Variants in MTMR2 observed in about 807,000 individuals in gnomAD.
MTMR2 encodes the protein myotubularin related protein 2, also known as phosphatidylinositol-3,5-bisphosphate 3-phosphatase MTMR2.
A neutral mutation model predicts 86.9 loss-of-function variants in MTMR2; 55 were observed. The ratio of observed to expected loss-of-function variants is 0.63; its 90% CI spans 0.51 to 0.79. MTMR2 has a LOEUF of 0.79. Among genes scored for constraint, MTMR2 ranks in the 30% least tolerant of loss-of-function variants. The pLI, the probability that MTMR2 is intolerant of heterozygous loss-of-function variation, is 0.00. For synonymous variants in MTMR2, 241 were observed against 266.8 expected (o/e 0.90, Z 0.94); for missense variants, 659 against 772.3 (o/e 0.85, Z 1.74).
intron 2 of MTMR2, among the ~76,000 whole-genome samples, chr11:95,877,333 T>TTTG (rs1491206594): frequency 9.6e-6 from 1 of 103,856 alleles, no homozygotes; most frequent in East Asian, 2.4e-4. Context: ...AGGGAAGCCC[T>TTTG]TTTTTTTTTT....
chr11:95,922,469 A>G (rs1451291152), intron 1 of MTMR2, among the ~76,000 whole-genome samples: 3 of 152,192 alleles, frequency 2.0e-5, no homozygotes, highest in Non-Finnish European at 2.9e-5. Flanking sequence ...TAAATACAGA[A>G]TTCAAAAAAT....
chr11:95,876,947 G>C (rs1173670665), intron 2 of MTMR2, among the ~76,000 whole-genome samples: 1 of 152,088 alleles, frequency 6.6e-6, no homozygotes, highest in Non-Finnish European at 1.5e-5. Context: ...TTTTCACATG[G>C]AATGGTTAGA....
At chr11:95,848,810 C>T (rs1157839810) in intron 9 of MTMR2, among the ~76,000 whole-genome samples, 1 of 152,134 alleles carries the variant, frequency 6.6e-6, no homozygotes, top group Non-Finnish European at 1.5e-5. Context: ...TCTGGGAAAT[C>T]GTTTGGCACA....
In MTMR2 at chr11:95,891,299, A is replaced by C. The variant is rs192259091; in HGVS notation, c.81-3038T>G. Reference sequence around the variant, plus strand: ...AACTCCCTCTCTACTAAAAATACAAAAATTAGCCAGGAGTGGTGGCACATG... The same window carrying C: ...AACTCCCTCTCTACTAAAAATACAACAATTAGCCAGGAGTGGTGGCACATG... On this transcript the variant is annotated intron_variant, in intron 1 of 14. Coordinates refer to ENST00000346299, the MANE Select transcript of MTMR2 (RefSeq NM_016156.6). Among the ~76,000 whole-genome samples, 178 of 152,262 alleles carry C rather than the reference A, an allele frequency of 1.2e-3. 6 individuals carry two copies. In the East Asian group the frequency reaches 0.031, roughly 26 times the overall value.
intron 1 of MTMR2, among the ~76,000 whole-genome samples, chr11:95,889,760 T>C (rs1210733067): frequency 2.0e-5 from 3 of 152,234 alleles, no homozygotes; most frequent in Admixed American, 6.5e-5. Flanking sequence ...ATGCCACAAA[T>C]TGAATAACTG....
chr11:95,870,893 CA>C (rs1216473550), intron 2 of MTMR2, among the ~76,000 whole-genome samples: 3 of 151,956 alleles, frequency 2.0e-5, no homozygotes, highest in African/African-American at 7.3e-5. Flanking sequence ...CCCCTTCCCC[CA>C]CCCCACAACA....
At chr11:95,898,749 A>C (rs182242904) in intron 1 of MTMR2, among the ~76,000 whole-genome samples, 6 of 152,192 alleles carry the variant, frequency 3.9e-5, no homozygotes, top group Non-Finnish European at 8.8e-5. Context: ...CTGTATATGA[A>C]AAGTTCATAT....
chr11:95,885,921 T>C lies in MTMR2; in HGVS notation c.186+2235A>G, dbSNP rs539533179. Among the ~76,000 whole-genome samples, 5 of 152,306 alleles carry C rather than the reference T, an allele frequency of 3.3e-5. No individual in the cohort carries two copies. The South Asian group carries it at 1.0e-3, about 32-fold the overall frequency. On this transcript the variant is annotated intron_variant, in intron 2 of 14. Transcript: ENST00000346299. The stretch of plus-strand genomic sequence containing the variant: ...AAATGTGATGAAATGGCACTCACTT[T>C]ACCTCTGTGACCTTCCTCCCCAAAA...
At chr11:95,837,344 A>G (rs1009224189) in intron 13 of MTMR2, among the ~76,000 whole-genome samples, 2 of 152,108 alleles carry the variant, frequency 1.3e-5, no homozygotes, top group African/African-American at 4.8e-5. Flanking sequence ...GAACCCAGCA[A>G]CTGGGCTTCA....
intron 1 of MTMR2, chr11:95,907,806 T>C (rs760436272): frequency 5.3e-6 from 2 of 376,176 alleles, no homozygotes; most frequent in Non-Finnish European, 1.0e-5. Flanking sequence ...TTTGATAAAA[T>C]TCAATAACGC....
intron 13 of MTMR2, among the ~76,000 whole-genome samples, chr11:95,836,763 C>A (rs1380033622): frequency 6.6e-6 from 1 of 151,878 alleles, no homozygotes; most frequent in Admixed American, 6.6e-5. Flanking sequence ...AGGAAAGGAG[C>A]TAGACACAAG....
chr11:95,906,867 T>A (rs1591043954), intron 1 of MTMR2, among the ~76,000 whole-genome samples: 1 of 152,260 alleles, frequency 6.6e-6, no homozygotes, highest in East Asian at 1.9e-4. Context: ...CTATGAGACA[T>A]CGCTAAAGCA....
At chr11:95,884,339 T>G (rs545998540) in intron 2 of MTMR2, among the ~76,000 whole-genome samples, 3 of 152,218 alleles carry the variant, frequency 2.0e-5, no homozygotes, top group Non-Finnish European at 2.9e-5. Flanking sequence ...TGAAACCCAC[T>G]ATTTTCATCC....
At chr11:95,890,005 A>G (rs1865659479) in intron 1 of MTMR2, among the ~76,000 whole-genome samples, 1 of 152,258 alleles carries the variant, frequency 6.6e-6, no homozygotes. Context: ...TAGCTTTAAA[A>G]TGAATCCCAT....
Position 95,900,541 on chromosome 11 carries a change from G to A in MTMR2, c.81-12280C>T, listed in dbSNP as rs932776758. Among the ~76,000 whole-genome samples the A allele has an allele frequency of 6.6e-5, 10 of 152,236 alleles. No homozygotes were observed. In the East Asian group the frequency reaches 1.7e-3, roughly 26 times the overall value. ...ACATGAATGAAAAAGTTAAGGTATGGAGGCACGGACTGCCTCAACTTCTTG... is the reference window on the plus strand; with the variant it reads ...ACATGAATGAAAAAGTTAAGGTATGAAGGCACGGACTGCCTCAACTTCTTG... On this transcript the variant is annotated intron_variant, in intron 1 of 14. Transcript: ENST00000346299.
At chr11:95,888,962 C>G (rs1023811870) in intron 1 of MTMR2, among the ~76,000 whole-genome samples, 1 of 152,056 alleles carries the variant, frequency 6.6e-6, no homozygotes, top group East Asian at 1.9e-4. Context: ...TCAGATACTA[C>G]AAATAGTTGA....
intron 7 of MTMR2, among the ~76,000 whole-genome samples, chr11:95,851,073 T>TC (rs1864001061): frequency 6.9e-6 from 1 of 143,978 alleles, no homozygotes; most frequent in South Asian, 2.3e-4. Context: ...TTTTTTTTTT[T>TC]TTTTTTTGAG....
chr11:95,835,046 G>A lies in MTMR2; in HGVS notation c.*244C>T, dbSNP rs181665205. On this transcript the variant is annotated 3_prime_UTR_variant, in exon 15 of 15. Transcript: ENST00000346299. ...TTCCCACTGTGAATCCAGGATTGAA[G>A]TATTTTAATATTCTTTGGATACTTA... 6.1e-6 allele frequency: 3 copies of A among 489,612 alleles called. No homozygotes were observed. The allele number at this position is 489,612 out of a possible 1,614,324, so 30.3% of individuals were successfully genotyped here. A position where few individuals can be genotyped will look rare whatever the true frequency, so the allele number is the denominator to read the frequency against.
intron 1 of MTMR2, chr11:95,923,638 C>G: frequency 7.3e-7 from 1 of 1,373,618 alleles, no homozygotes; most frequent in Non-Finnish European, 9.4e-7. Context: ...GGGGAGAAAA[C>G]GAGATCGGAA....
Sources: allele counts gnomAD v4.1 joint callset (sites outside exome capture counted in the v4.1 genomes callset), GRCh38; gene constraint gnomAD v4.1.1; transcripts MANE v1.5; gene names NCBI Gene and HGNC (gene_info 2026-07-23, HGNC 2026-07-21).